ASIC2: variants seen among roughly 807,000 people sequenced by gnomAD.
The protein encoded by ASIC2 is acid-sensing ion channel 2.
Under a neutral mutation model 57.3 loss-of-function variants are expected in ASIC2, and 25 were observed. The observed-to-expected ratio is 0.44, with a 90% CI of 0.32 to 0.61. The LOEUF (loss-of-function observed/expected upper bound fraction) is 0.61, where lower values mean the gene tolerates loss of function less well. Ranked by LOEUF, ASIC2 falls within the 20% of genes least tolerant of loss-of-function variation. ASIC2 has a pLI of 0.06. For synonymous variants in ASIC2, 319 were observed against 307.5 expected (o/e 1.04, Z -0.39); for missense variants, 641 against 738.1 (o/e 0.87, Z 1.52).
At chr17:33,229,243 C>A (rs1469124955) in intron 1 of ASIC2, among the ~76,000 whole-genome samples, 2 of 152,158 alleles carry the variant, frequency 1.3e-5, no homozygotes, top group East Asian at 1.9e-4. Flanking sequence ...TGGAACAGAG[C>A]TGATAAGCCC....
chr17:33,588,651 A>G (rs1904722706), intron 1 of ASIC2, among the ~76,000 whole-genome samples: 1 of 152,228 alleles, frequency 6.6e-6, no homozygotes, highest in Admixed American at 6.5e-5. Context: ...CCGTGAGACA[A>G]GTGTGAGGAA....
intron 1 of ASIC2, among the ~76,000 whole-genome samples, chr17:34,142,317 A>C (rs928912850): frequency 1.3e-5 from 2 of 152,236 alleles, no homozygotes; most frequent in African/African-American, 2.4e-5. Flanking sequence ...AACACAGTCC[A>C]GAGTATTCCA....
chr17:33,064,574 C>T (rs2092035189), intron 3 of ASIC2, among the ~76,000 whole-genome samples: 1 of 152,226 alleles, frequency 6.6e-6, no homozygotes, highest in Non-Finnish European at 1.5e-5. Context: ...AGAGGGGTAC[C>T]TGGCCGTGTG....
In ASIC2 at chr17:33,463,170, T is replaced by A. The variant is rs138079211; in HGVS notation, c.556-351103A>T. 3.7e-3 allele frequency among the ~76,000 whole-genome samples: 563 copies of A among 152,322 alleles called. 6 individuals are homozygous for A. The highest frequency in any genetic ancestry group is 0.013 in the African/African-American group (527 of 41,562). On this transcript the variant is annotated intron_variant, in intron 1 of 9. Coordinates refer to the ASIC2 transcript ENST00000359872. ...TGGCATCTTCATTTGGTACATATTT[T>A]TAGAGCCTGCCATTGGTCCCAGTAT...
intron 9 of ASIC2, among the ~76,000 whole-genome samples, 197 bp from the exon 10 acceptor site, chr17:33,014,263 C>T (rs2091794348): frequency 6.6e-6 from 1 of 152,094 alleles, no homozygotes; most frequent in Non-Finnish European, 1.5e-5. Context: ...CACCTGGGTG[C>T]CCCCTATGGC....
At chr17:33,761,332 GA>G (rs1910771130) in intron 1 of ASIC2, among the ~76,000 whole-genome samples, 1 of 152,146 alleles carries the variant, frequency 6.6e-6, no homozygotes, top group Non-Finnish European at 1.5e-5. Flanking sequence ...TGGGTTATGG[GA>G]AATCAGCCAT....
intron 1 of ASIC2, among the ~76,000 whole-genome samples, chr17:33,941,460 C>G (rs1456052704): frequency 6.6e-6 from 1 of 152,208 alleles, no homozygotes; most frequent in Non-Finnish European, 1.5e-5. Flanking sequence ...ATAGCAGCAT[C>G]CTGGAGCCCA....
intron 1 of ASIC2, among the ~76,000 whole-genome samples, chr17:33,343,146 T>C (rs1907797072): frequency 6.6e-6 from 1 of 152,158 alleles, no homozygotes; most frequent in South Asian, 2.1e-4. Flanking sequence ...CAAAAAGCTG[T>C]GAGCCCCTCG....
At chr17:33,124,778 T>C (rs2092316779) in intron 1 of ASIC2, among the ~76,000 whole-genome samples, 1 of 152,204 alleles carries the variant, frequency 6.6e-6, no homozygotes, top group African/African-American at 2.4e-5. Context: ...TTATTACATT[T>C]TAAAATATAA....
intron 1 of ASIC2, among the ~76,000 whole-genome samples, chr17:33,211,757 T>C (rs1302667079): frequency 3.9e-5 from 6 of 152,234 alleles, no homozygotes; most frequent in African/African-American, 1.4e-4. Flanking sequence ...AATGGAGTCC[T>C]GATCTGTTTG....
intron 1 of ASIC2, among the ~76,000 whole-genome samples, chr17:34,099,558 GAAGA>G (rs943264498): frequency 1.1e-4 from 15 of 141,660 alleles, no homozygotes; most frequent in East Asian, 2.1e-4. Flanking sequence ...GGGAAGGAAG[GAAGA>G]GAGGGAGGGA....
At chr17:33,579,575 T>C (rs575500406) in intron 1 of ASIC2, among the ~76,000 whole-genome samples, 24 of 152,182 alleles carry the variant, frequency 1.6e-4, no homozygotes, top group Admixed American at 1.1e-3. Flanking sequence ...TACTGGTGAG[T>C]GTTACAGCTC....
At chr17:33,308,666 A>C (rs1357234986) in intron 1 of ASIC2, among the ~76,000 whole-genome samples, 1 of 152,006 alleles carries the variant, frequency 6.6e-6, no homozygotes, top group Middle Eastern at 3.2e-3. Context: ...GGATAGACAA[A>C]ATAATAGAAA....
chr17:33,351,980 C>T (rs187354219), intron 1 of ASIC2, among the ~76,000 whole-genome samples: 2 of 152,186 alleles, frequency 1.3e-5, no homozygotes, highest in Non-Finnish European at 2.9e-5. Flanking sequence ...CTTCCTTCTG[C>T]ATGCTCAGGA....
intron 1 of ASIC2, among the ~76,000 whole-genome samples, chr17:33,451,613 C>T (rs1912251804): frequency 6.6e-6 from 1 of 152,136 alleles, no homozygotes; most frequent in Non-Finnish European, 1.5e-5. Flanking sequence ...TTTTTTCAAC[C>T]ATTGCAGTTG....
intron 1 of ASIC2, among the ~76,000 whole-genome samples, chr17:33,282,373 C>T (rs1482088281): frequency 1.3e-5 from 2 of 152,132 alleles, no homozygotes; most frequent in Non-Finnish European, 2.9e-5. Context: ...CATCCATCTT[C>T]CCTAACTTGT....
At chr17:33,986,097 C>T (rs929388625) in intron 1 of ASIC2, among the ~76,000 whole-genome samples, 7 of 152,032 alleles carry the variant, frequency 4.6e-5, no homozygotes, top group African/African-American at 1.7e-4. Flanking sequence ...TCTTTTCTTC[C>T]AGTGCATTTT....
chr17:33,762,116 G>A (rs1010537008), intron 1 of ASIC2, among the ~76,000 whole-genome samples: 1 of 152,126 alleles, frequency 6.6e-6, no homozygotes, highest in Non-Finnish European at 1.5e-5. Context: ...TCAGACCCAA[G>A]CGAACTCAGC....
At chr17:34,032,349 G>A (rs1293210035) in intron 1 of ASIC2, among the ~76,000 whole-genome samples, 1 of 151,962 alleles carries the variant, frequency 6.6e-6, no homozygotes, top group African/African-American at 2.4e-5. Flanking sequence ...CCCTACAAGA[G>A]CTCCTGAAGG....
Sources: allele counts gnomAD v4.1 joint callset (sites outside exome capture counted in the v4.1 genomes callset), GRCh38; gene constraint gnomAD v4.1.1; transcripts MANE v1.5; gene names NCBI Gene and HGNC (gene_info 2026-07-23, HGNC 2026-07-21).